IQSEC3: variants seen among roughly 807,000 people sequenced by gnomAD.
IQSEC3 encodes IQ motif and SEC7 domain-containing protein 3.
IQSEC3 carries 50 observed loss-of-function variants against 105.4 expected under a neutral mutation model. The observed-to-expected ratio is 0.47, with a 90% confidence interval of 0.38 to 0.60. The LOEUF is 0.60. Among genes scored for constraint, IQSEC3 ranks in the 20% least tolerant of loss-of-function variants. The pLI, the probability that IQSEC3 is intolerant of heterozygous loss-of-function variation, is 0.00. For missense variants in IQSEC3, 1,415 were observed against 1,630.0 expected, an observed-to-expected ratio of 0.87 and a Z score of 2.27; for synonymous variants, 708 against 746.0, an observed-to-expected ratio of 0.95 and a Z score of 0.83.
At chr12:91,984 G>A (rs1442185135) in intron 1 of IQSEC3, among the ~76,000 whole-genome samples, 1 of 152,086 alleles carries the variant, frequency 6.6e-6, no homozygotes, top group South Asian at 2.1e-4. Context: ...CTCATTCTGA[G>A]TGCGGCAAGC....
chr12:176,284 GC>G lies in IQSEC3; in HGVS notation c.*1253del, dbSNP rs1367023149. On this transcript the variant is annotated 3_prime_UTR_variant, in exon 14 of 14. Coordinates refer to ENST00000538872, the MANE Select transcript of IQSEC3 (RefSeq NM_001170738.2). This position sits in a 1 kb window ranked among gnomAD's most constrained non-coding sequence, Gnocchi z 4.0. ...GCCTTAGGTGGCCCCACGAGCCCAA[GC>G]CTGGGGAAGGGCCCCTCCCCAGCCA... 1 of 152,280 alleles carries G rather than the reference GC, an allele frequency of 6.6e-6. No individual in the cohort carries two copies. The highest frequency in any genetic ancestry group is 1.5e-5 in the Non-Finnish European group (1 of 68,118). 9.4% of individuals were successfully genotyped at this position (152,280 alleles called of 1,614,324 possible).
intron 1 of IQSEC3, among the ~76,000 whole-genome samples, chr12:74,708 C>T (rs371297553): frequency 6.6e-6 from 1 of 152,262 alleles, no homozygotes; most frequent in Admixed American, 6.5e-5. Flanking sequence ...GGGCTAGAGG[C>T]TTTTAGGAGC....
chr12:99,010 GC>G, intron 1 of IQSEC3, 135 bp from the exon 2 acceptor site: 1 of 704,152 alleles, frequency 1.4e-6, no homozygotes, highest in Admixed American at 2.7e-5. Context: ...GTGATTGGCT[GC>G]CTGATTTTTA....
intron 5 of IQSEC3, among the ~76,000 whole-genome samples, chr12:145,143 T>G (rs530406514): frequency 6.6e-6 from 1 of 152,384 alleles, no homozygotes; most frequent in African/African-American, 2.4e-5. Flanking sequence ...TGTTTGTTTT[T>G]AGAGAAGAAA....
chr12:136,318 C>T (rs1865763955), intron 3 of IQSEC3, among the ~76,000 whole-genome samples: 1 of 152,200 alleles, frequency 6.6e-6, no homozygotes. Context: ...AAGGATGTCT[C>T]ATTTTATCTG....
intron 7 of IQSEC3, among the ~76,000 whole-genome samples, chr12:159,688 C>T (rs1248939311): frequency 1.3e-5 from 2 of 152,194 alleles, no homozygotes; most frequent in African/African-American, 2.4e-5. Flanking sequence ...TGGATGTTCA[C>T]GATGATGCAT....
chr12:138,481 G>A lies in IQSEC3; in HGVS notation c.1118G>A (p.Gly373Asp), dbSNP rs1865863038. The A allele has an allele frequency of 1.9e-6, 3 of 1,595,898 alleles. No individual in the cohort carries two copies. Among genetic ancestry groups the A allele is most frequent in the Admixed American group, 1.7e-5 (1 of 59,208 alleles). The change falls in exon 4 of 14, where the codon GGC (glycine) becomes GAC (aspartate). Residue 373 changes from glycine to aspartate, a missense_variant. This residue lies in a region of IQSEC3 where 720 missense variants were observed against 633.0 expected (regional missense o/e 1.14). Transcript: ENST00000538872. This position sits in a 1 kb window ranked among gnomAD's most constrained non-coding sequence, Gnocchi z 7.1. Reference sequence around the variant, plus strand: ...GCGGCCGAGAAAGCGCTCATGGAGGGCTACGGCCTCGTGGGGCTGCCGCTG... The same window carrying A: ...GCGGCCGAGAAAGCGCTCATGGAGGACTACGGCCTCGTGGGGCTGCCGCTG... ...SLAAEKALMEGYGLVGLPLVR... is the reference protein window; with the variant it reads ...SLAAEKALMEDYGLVGLPLVR...
intron 13 of IQSEC3, among the ~76,000 whole-genome samples, chr12:172,739 C>G (rs1350480375): frequency 6.6e-6 from 1 of 152,234 alleles, no homozygotes; most frequent in Non-Finnish European, 1.5e-5. Flanking sequence ...TCCCCTCATT[C>G]TTTCTTTCAT....
chr12:134,367 A>G (rs1555085753), intron 3 of IQSEC3, among the ~76,000 whole-genome samples: 1 of 152,220 alleles, frequency 6.6e-6, no homozygotes, highest in Non-Finnish European at 1.5e-5. Flanking sequence ...GCTTGGGTGA[A>G]GCATAGACAT....
intron 5 of IQSEC3, among the ~76,000 whole-genome samples, chr12:145,792 C>T (rs1271558061): frequency 6.6e-6 from 1 of 152,228 alleles, no homozygotes; most frequent in Non-Finnish European, 1.5e-5. Flanking sequence ...CTGAAATGTT[C>T]GCTTCAGCAG....
At chr12:162,220 CTT>C (rs11307485) in intron 8 of IQSEC3, among the ~76,000 whole-genome samples, 155 bp downstream of exon 8, 2 of 150,374 alleles carry the variant, frequency 1.3e-5, no homozygotes, top group South Asian at 4.2e-4. Context: ...CACTGCATCT[CTT>C]TTTTTTTTTC....
chr12:80,492 G>C (rs887571705), intron 1 of IQSEC3, among the ~76,000 whole-genome samples: 8 of 152,178 alleles, frequency 5.3e-5, no homozygotes, highest in African/African-American at 1.9e-4. Context: ...TCCTTGCTAA[G>C]AACAAAATTA....
chr12:129,023 A>T (rs868979944), intron 3 of IQSEC3, among the ~76,000 whole-genome samples: 7 of 152,130 alleles, frequency 4.6e-5, no homozygotes, highest in African/African-American at 1.7e-4. Context: ...TCTCCTGGGG[A>T]TTCTCCTCAC....
At chr12:161,080 G>A (rs1213519073) in intron 7 of IQSEC3, among the ~76,000 whole-genome samples, 4 of 152,168 alleles carry the variant, frequency 2.6e-5, no homozygotes, top group South Asian at 4.1e-4. Flanking sequence ...AAGATCAGAC[G>A]TGGAAGAGAC....
At chr12:75,917 G>A (rs1207801805) in intron 1 of IQSEC3, among the ~76,000 whole-genome samples, 2 of 152,250 alleles carry the variant, frequency 1.3e-5, no homozygotes, top group Non-Finnish European at 2.9e-5. Context: ...TGGTTGGGGT[G>A]TGAGACGGAT....
intron 3 of IQSEC3, among the ~76,000 whole-genome samples, chr12:127,031 G>C (rs1443627570): frequency 6.6e-6 from 1 of 152,206 alleles, no homozygotes. Context: ...ATATAGTAAG[G>C]AGGGTTGTTC....
chr12:146,006 C>T (rs1555090888), intron 5 of IQSEC3, among the ~76,000 whole-genome samples: 1 of 152,228 alleles, frequency 6.6e-6, no homozygotes, highest in Admixed American at 6.5e-5. Flanking sequence ...GCGTCTGCTC[C>T]ATCCTTTGTT....
In IQSEC3 at chr12:66,863, C is replaced by T. The variant is rs1376958081; in HGVS notation, c.-20C>T. 18 of 1,404,810 alleles carry T rather than the reference C, an allele frequency of 1.3e-5. No homozygotes were observed. In the East Asian group the frequency reaches 3.3e-4, roughly 26 times the overall value. The allele number at this position is 1,404,810 out of a possible 1,614,324, so 87.0% of individuals were successfully genotyped here. On this transcript the variant is annotated 5_prime_UTR_variant, in exon 1 of 14. Transcript: ENST00000538872. ...GCCGCCAGCCCAGGCGCAGGCAGGG[C>T]GCAGGCGGCGGCGGGCGGCATGGAG...
intron 5 of IQSEC3, among the ~76,000 whole-genome samples, chr12:146,611 A>C (rs1226250453): frequency 6.6e-6 from 1 of 151,876 alleles, no homozygotes; most frequent in Admixed American, 6.6e-5. Context: ...GTGCCACTGC[A>C]CTCTAGCCTG....
Sources: gnomAD v4.1 joint callset for allele counts (sites outside exome capture counted in the v4.1 genomes callset) on GRCh38, gnomAD v4.1.1 for gene constraint, gnomAD v4.1.1 regional missense constraint, Gnocchi (gnomAD v3.1) non-coding constraint, MANE v1.5 for transcripts, NCBI Gene and HGNC (gene_info 2026-07-23, HGNC 2026-07-21) for gene names.